Variants in POFUT1 observed in about 807,000 individuals in gnomAD.
POFUT1 encodes GDP-fucose protein O-fucosyltransferase 1.
In POFUT1, 16 loss-of-function variants were observed where a neutral mutation model predicts 42.4. The observed-to-expected ratio is 0.38, with a 90% CI of 0.26 to 0.57. POFUT1 has a LOEUF of 0.57. Among genes scored for constraint, POFUT1 ranks in the 20% least tolerant of loss-of-function variants. The pLI is 0.71. For missense variants in POFUT1, 470 were observed against 504.6 expected, an observed-to-expected ratio of 0.93 and a Z score of 0.66; for synonymous variants, 206 against 205.4, an observed-to-expected ratio of 1.00 and a Z score of -0.03.
intron 4 of POFUT1, among the ~76,000 whole-genome samples, chr20:32,219,565 C>T (rs928767761): frequency 6.1e-5 from 9 of 147,446 alleles, no homozygotes; most frequent in East Asian, 2.0e-4. Flanking sequence ...GCTGGAGTCT[C>T]GGCTCACTGC....
At chr20:32,226,232 CAT>C (rs1187974118) in intron 4 of POFUT1, among the ~76,000 whole-genome samples, 1 of 152,098 alleles carries the variant, frequency 6.6e-6, no homozygotes, top group Non-Finnish European at 1.5e-5. Flanking sequence ...TGAAATATTT[CAT>C]AGTTTTTATT....
Position 32,237,062 on chromosome 20 carries a change from T to C in POFUT1, c.*2401T>C, listed in dbSNP as rs893431149. The stretch of plus-strand genomic sequence containing the variant: ...TGGAAAAATGATCAGCCACCTTACC[T>C]TCTACTGGGTACCTGCTGTGAGTCT... On this transcript the variant is annotated 3_prime_UTR_variant, in exon 7 of 7. Coordinates refer to ENST00000375749, the MANE Select transcript of POFUT1 (RefSeq NM_015352.2). 1.3e-5 allele frequency: 2 copies of C among 152,172 alleles called. No individual in the cohort carries two copies. The highest frequency in any genetic ancestry group is 2.4e-5 in the African/African-American group (1 of 41,430). 9.4% of individuals were successfully genotyped at this position (152,172 alleles called of 1,614,324 possible).
chr20:32,210,920 A>G (rs116650565), intron 2 of POFUT1, among the ~76,000 whole-genome samples: 129 of 152,334 alleles, frequency 8.5e-4, no homozygotes, highest in African/African-American at 2.7e-3. Flanking sequence ...CATTCTTACA[A>G]CCTTTTCTCT....
At chr20:32,224,575 G>C (rs966803873) in intron 4 of POFUT1, among the ~76,000 whole-genome samples, 7 of 152,184 alleles carry the variant, frequency 4.6e-5, no homozygotes, top group Non-Finnish European at 1.0e-4. Context: ...ACAGTTCCAT[G>C]GGCAGGGAAA....
At position 32,228,345 on chromosome 20, in the gene POFUT1, C is replaced by G; in HGVS notation, c.625C>G (p.Gln209Glu). 1 of 1,614,128 alleles carries G rather than the reference C, an allele frequency of 6.2e-7. No individual in the cohort carries two copies. The highest frequency in any genetic ancestry group is 8.5e-7 in the Non-Finnish European group (1 of 1,179,948). Residue 209 changes from glutamine to glutamate, a missense_variant, in exon 5 of 7, where the codon CAG becomes GAG. By Grantham distance (29) the Gln-to-Glu change is conservative. Transcript: ENST00000375749. ...FPVLEEHRPLQKYMVWSDEMV... is the reference protein window; with the variant it reads ...FPVLEEHRPLEKYMVWSDEMV... ...CGTCCTAGAGGAACACAGGCCACTACAGAAGTACATGGTATGGTCAGACGA... is the reference window on the plus strand; with the variant it reads ...CGTCCTAGAGGAACACAGGCCACTAGAGAAGTACATGGTATGGTCAGACGA...
At chr20:32,217,016 A>G (rs2047365228) in intron 4 of POFUT1, 1 of 1,613,856 alleles carries the variant, frequency 6.2e-7, no homozygotes, top group Non-Finnish European at 8.5e-7. Flanking sequence ...AGGCGTGAGA[A>G]TCACTCCTGT....
At chr20:32,231,447 G>C (rs1255859585) in intron 6 of POFUT1, 3 of 284,966 alleles carry the variant, frequency 1.1e-5, no homozygotes, top group South Asian at 1.0e-4. Flanking sequence ...CTGGTGCTTC[G>C]ACCTCTTTGG....
At chr20:32,225,240 A>T (rs2047408795) in intron 4 of POFUT1, among the ~76,000 whole-genome samples, 1 of 152,050 alleles carries the variant, frequency 6.6e-6, no homozygotes, top group Non-Finnish European at 1.5e-5. Context: ...CCCAGGCTGG[A>T]GTGCAGTGGC....
intron 2 of POFUT1, among the ~76,000 whole-genome samples, chr20:32,214,923 G>A (rs1391864521): frequency 3.9e-5 from 6 of 152,140 alleles, no homozygotes; most frequent in East Asian, 1.9e-4. Flanking sequence ...TTGCTCTGTC[G>A]TCCAAGCTGG....
intron 5 of POFUT1, among the ~76,000 whole-genome samples, chr20:32,229,395 A>C (rs1328614645): frequency 6.6e-6 from 1 of 152,230 alleles, no homozygotes; most frequent in Non-Finnish European, 1.5e-5. Flanking sequence ...ATGTAATCAA[A>C]TTTACTATAT....
chr20:32,236,308 T>C lies in POFUT1; in HGVS notation c.*1647T>C, dbSNP rs1218570392. The C allele has an allele frequency of 6.6e-6, 1 of 152,212 alleles. No homozygotes were observed. The highest frequency in any genetic ancestry group is 6.5e-5 in the Admixed American group (1 of 15,278). 9.4% of individuals were successfully genotyped at this position (152,212 alleles called of 1,614,324 possible). On this transcript the variant is annotated 3_prime_UTR_variant, in exon 7 of 7. Coordinates refer to ENST00000375749, the MANE Select transcript of POFUT1 (RefSeq NM_015352.2). ...CCACAGCCTTACACTAGGCACACAC[T>C]TTAGAGTCTGGGGCTCCAGTGGGGC...
chr20:32,218,808 A>G (rs907271848), intron 4 of POFUT1, among the ~76,000 whole-genome samples: 1 of 152,230 alleles, frequency 6.6e-6, no homozygotes, highest in African/African-American at 2.4e-5. Flanking sequence ...AAAAGCACAC[A>G]ATCCTAGTAG....
intron 2 of POFUT1, among the ~76,000 whole-genome samples, chr20:32,211,032 A>G (rs2047325038): frequency 6.6e-6 from 1 of 152,194 alleles, no homozygotes; most frequent in Admixed American, 6.5e-5. Context: ...TTGGGTTCTT[A>G]CTAGTTGCAT....
chr20:32,215,264 T>C lies in POFUT1; in HGVS notation c.247-5T>C. On this transcript the variant is annotated splice_region_variant and splice_polypyrimidine_tract_variant and intron_variant, in intron 2 of 6. Coordinates refer to ENST00000375749, the MANE Select transcript of POFUT1 (RefSeq NM_015352.2). The stretch of plus-strand genomic sequence containing the variant: ...ACGGGACCTCTGCTCCTCCTTTTCC[T>C]GTAGCTCCATGTGTCCTACCAGAAG... 6.2e-7 allele frequency: 1 copy of C among 1,604,880 alleles called. No homozygotes were observed. Among genetic ancestry groups the C allele is most frequent in the Non-Finnish European group, 8.5e-7 (1 of 1,172,310 alleles).
chr20:32,230,958 G>T lies in POFUT1; in HGVS notation c.875G>T (p.Arg292Met), dbSNP rs777031988. The T allele has an allele frequency of 3.7e-6, 6 of 1,614,236 alleles. No homozygotes were observed. The highest frequency in any genetic ancestry group is 5.1e-6 in the Non-Finnish European group (6 of 1,180,042). The change falls in exon 6 of 7, where the codon AGG (arginine) becomes ATG (methionine). Residue 292 changes from arginine (R) to methionine (M), a missense_variant. Transcript: ENST00000375749. ...CTGCCTGACCTGAAGGAGATCCAGA[G>T]GGCTGTGAAGCTCTGGGTGAGGTCG... ...MCLPDLKEIQ[R>M]AVKLWVRSLD... is the part of the protein sequence containing the mutation.
chr20:32,214,787 T>C (rs1265068709), intron 2 of POFUT1, among the ~76,000 whole-genome samples: 1 of 152,236 alleles, frequency 6.6e-6, no homozygotes, highest in East Asian at 1.9e-4. Flanking sequence ...GTTTGTTCTT[T>C]AGTTTGCAGA....
chr20:32,209,595 C>G (rs1235566738), intron 1 of POFUT1, among the ~76,000 whole-genome samples: 1 of 152,078 alleles, frequency 6.6e-6, no homozygotes, highest in East Asian at 1.9e-4. Context: ...AGGAATCAGC[C>G]AGTACGAAGG....
intron 4 of POFUT1, chr20:32,217,186 G>A: frequency 2.1e-6 from 3 of 1,454,452 alleles, no homozygotes; most frequent in Non-Finnish European, 1.8e-6. Context: ...CAGGACGTGG[G>A]CACAGGCCGT....
chr20:32,223,177 A>G (rs6119777), intron 4 of POFUT1: 164,331 of 985,266 alleles, frequency 0.17, 15,198 homozygotes, highest in African/African-American at 0.35. Context: ...GCCCAGCAGC[A>G]GGAAAGCCAG....
Sources: gnomAD v4.1 joint callset for allele counts (sites outside exome capture counted in the v4.1 genomes callset) on GRCh38, gnomAD v4.1.1 for gene constraint, MANE v1.5 for transcripts, NCBI Gene and HGNC (gene_info 2026-07-23, HGNC 2026-07-21) for gene names.